The following YEATS2 variants were observed in gnomAD, a reference collection of about 807,000 sequenced individuals.
YEATS2 encodes YEATS domain containing 2, also known as YEATS domain-containing protein 2.
In YEATS2, 77 loss-of-function variants were observed where a neutral mutation model predicts 163.2. The ratio of observed to expected loss-of-function variants is 0.47; its 90% confidence interval spans 0.39 to 0.57. The LOEUF (loss-of-function observed/expected upper bound fraction) is 0.57, where lower values mean the gene tolerates loss of function less well. YEATS2 is among the 20% of genes least tolerant of loss of function. YEATS2 has a pLI of 0.00. For synonymous variants in YEATS2, 631 were observed against 645.1 expected (o/e 0.98, Z 0.33); for missense variants, 1,549 against 1,729.8 (o/e 0.90, Z 1.85).
intron 8 of YEATS2, among the ~76,000 whole-genome samples, chr3:183,742,042 C>T (rs1036821941): frequency 1.4e-5 from 2 of 138,002 alleles, no homozygotes; most frequent in Admixed American, 1.5e-4. Context: ...GACCTCATCT[C>T]TACAAAAAAA....
intron 21 of YEATS2, among the ~76,000 whole-genome samples, chr3:183,792,210 G>T (rs1724721157): frequency 1.3e-5 from 2 of 152,102 alleles, no homozygotes. Context: ...CATGTGCCAT[G>T]GTGGTTTGCT....
At chr3:183,708,336 A>G (rs1007272676) in intron 1 of YEATS2, among the ~76,000 whole-genome samples, 2 of 151,456 alleles carry the variant, frequency 1.3e-5, no homozygotes, top group Non-Finnish European at 1.5e-5. Context: ...TAATTTTTGT[A>G]TTTTTAGTAG....
chr3:183,718,693 CTGTT>C (rs1423140629), intron 4 of YEATS2, 101 bp downstream of exon 4: 11 of 1,033,256 alleles, frequency 1.1e-5, no homozygotes, highest in South Asian at 4.8e-5. Flanking sequence ...ACATTTCTTT[CTGTT>C]TGTTTTTTGG....
chr3:183,751,434 T>C (rs991133707), intron 9 of YEATS2, among the ~76,000 whole-genome samples: 1 of 152,236 alleles, frequency 6.6e-6, no homozygotes, highest in South Asian at 2.1e-4. Context: ...GCAATAGCCA[T>C]TTAATCAGAG....
chr3:183,733,319 A>G (rs1265467029), intron 7 of YEATS2, among the ~76,000 whole-genome samples: 1 of 152,150 alleles, frequency 6.6e-6, no homozygotes, highest in Non-Finnish European at 1.5e-5. Flanking sequence ...TTTTCTTTGT[A>G]CAGTTGTTTA....
intron 1 of YEATS2, among the ~76,000 whole-genome samples, chr3:183,699,259 T>C (rs1713812011): frequency 2.0e-5 from 3 of 152,020 alleles, no homozygotes; most frequent in Admixed American, 2.0e-4. Flanking sequence ...TGCTGTTTAC[T>C]GAGATGAAGA....
intron 9 of YEATS2, among the ~76,000 whole-genome samples, chr3:183,748,327 T>A (rs1458400795): frequency 6.7e-6 from 1 of 148,876 alleles, no homozygotes. Flanking sequence ...CAATCTTGGC[T>A]CACTGCAACC....
intron 16 of YEATS2, among the ~76,000 whole-genome samples, chr3:183,772,973 T>TA (rs1043929755): frequency 1.7e-4 from 26 of 152,220 alleles, no homozygotes; most frequent in African/African-American, 4.3e-4. Context: ...GTTATCTTAA[T>TA]ACCTAATAAC....
intron 1 of YEATS2, among the ~76,000 whole-genome samples, chr3:183,710,377 A>G (rs181282461): frequency 2.6e-5 from 4 of 152,340 alleles, no homozygotes; most frequent in Admixed American, 2.6e-4. Context: ...AGATGTGCCT[A>G]GTCTTAGCTA....
chr3:183,787,785 C>T (rs961047669), intron 20 of YEATS2, among the ~76,000 whole-genome samples: 2 of 151,636 alleles, frequency 1.3e-5, no homozygotes, highest in Admixed American at 1.3e-4. Flanking sequence ...ATCACGAGGT[C>T]AGGAGATCAA....
At chr3:183,699,898 A>G (rs1488197543) in intron 1 of YEATS2, among the ~76,000 whole-genome samples, 1 of 152,208 alleles carries the variant, frequency 6.6e-6, no homozygotes, top group Non-Finnish European at 1.5e-5. Flanking sequence ...TCCTGTCCAT[A>G]GTTCTGGAAG....
At chr3:183,760,105 T>G (rs1721185679) in intron 13 of YEATS2, among the ~76,000 whole-genome samples, 1 of 152,188 alleles carries the variant, frequency 6.6e-6, no homozygotes, top group African/African-American at 2.4e-5. Context: ...GCGAGGCTGT[T>G]CTCTAAGTTC....
In YEATS2 at chr3:183,707,384, T is replaced by G. The variant is rs141704249; in HGVS notation, c.-19-7760T>G. On this transcript the variant is annotated intron_variant, in intron 1 of 30. Transcript: ENST00000305135. ...ATGATTTTGAGGTTCATTTCTGTTGTTGCCTGCATCAAGAGTTCATTGAGT... is the reference window on the plus strand; with the variant it reads ...ATGATTTTGAGGTTCATTTCTGTTGGTGCCTGCATCAAGAGTTCATTGAGT... 2.6e-5 allele frequency among the ~76,000 whole-genome samples: 4 copies of G among 152,356 alleles called. No homozygotes were observed. In the East Asian group the frequency reaches 7.7e-4, roughly 29 times the overall value.
At chr3:183,758,712 T>C (rs978895368) in intron 12 of YEATS2, 150 bp from the exon 13 acceptor site, 3 of 635,922 alleles carry the variant, frequency 4.7e-6, no homozygotes, top group East Asian at 3.1e-5. Flanking sequence ...AGGGTTTTTT[T>C]CCATACTAGT....
intron 1 of YEATS2, among the ~76,000 whole-genome samples, chr3:183,708,222 C>T (rs551894124): frequency 1.1e-4 from 16 of 141,346 alleles, no homozygotes; most frequent in African/African-American, 4.3e-4. Flanking sequence ...AGTGCAGTGG[C>T]ACGATCTCGG....
intron 1 of YEATS2, among the ~76,000 whole-genome samples, chr3:183,706,691 T>C (rs770993359): frequency 6.6e-5 from 10 of 152,068 alleles, no homozygotes; most frequent in Non-Finnish European, 1.2e-4. Flanking sequence ...TGGCGCATAC[T>C]TGTAATCCCA....
intron 6 of YEATS2, among the ~76,000 whole-genome samples, chr3:183,725,661 C>A (rs1717011942): frequency 6.6e-6 from 1 of 152,194 alleles, no homozygotes; most frequent in South Asian, 2.1e-4. Context: ...AAGACTCACC[C>A]CCATGATTCA....
At chr3:183,754,481 G>A in intron 11 of YEATS2, 116 bp downstream of exon 11, 5 of 1,370,350 alleles carry the variant, frequency 3.6e-6, no homozygotes, top group Non-Finnish European at 4.8e-6. Flanking sequence ...GCAGTGTTAT[G>A]TTTAACAAAA....
intron 8 of YEATS2, among the ~76,000 whole-genome samples, chr3:183,740,395 C>T (rs902213204): frequency 1.6e-4 from 25 of 152,212 alleles, no homozygotes; most frequent in Non-Finnish European, 3.4e-4. Context: ...AAATCAAAAC[C>T]ACTATGAGAT....
Sources: allele counts gnomAD v4.1 joint callset (sites outside exome capture counted in the v4.1 genomes callset), GRCh38; gene constraint gnomAD v4.1.1; transcripts MANE v1.5; gene names NCBI Gene and HGNC (gene_info 2026-07-23, HGNC 2026-07-21).